Variants in GPR141 observed in about 807,000 individuals in gnomAD.
The protein encoded by GPR141 is probable G protein-coupled receptor 141.
Under a neutral mutation model 6.8 loss-of-function variants are expected in GPR141, and 6 were observed. That is an observed-to-expected ratio of 0.88 (90% CI 0.48 to 1.74). GPR141 has a LOEUF of 1.74. Among genes scored for constraint, GPR141 ranks in the 40% most tolerant of loss-of-function variants. The probability of loss-of-function intolerance (pLI) is 0.01; values close to 1 mark genes in which losing one functional copy is unlikely to be tolerated. For synonymous variants in GPR141, 140 were observed against 142.3 expected (o/e 0.98, Z 0.11); for missense variants, 372 against 372.9 (o/e 1.00, Z 0.02).
intron 2 of GPR141, among the ~76,000 whole-genome samples, chr7:37,730,439 G>C (rs1002613326): frequency 6.6e-6 from 1 of 152,178 alleles, no homozygotes; most frequent in Non-Finnish European, 1.5e-5. Flanking sequence ...TTCAAAACCT[G>C]AACCTGAATA....
At chr7:37,689,417 A>G (rs958569372) in intron 2 of GPR141, among the ~76,000 whole-genome samples, 3 of 152,082 alleles carry the variant, frequency 2.0e-5, no homozygotes, top group Non-Finnish European at 4.4e-5. Flanking sequence ...AATGAGCTTA[A>G]AAGACTTTCC....
intron 2 of GPR141, among the ~76,000 whole-genome samples, chr7:37,718,226 T>C (rs1016911269): frequency 3.3e-5 from 5 of 152,242 alleles, no homozygotes; most frequent in African/African-American, 1.2e-4. Context: ...AGATAGACAT[T>C]GTATAAGTGC....
rs999401957 is a variant in GPR141 at position 37,743,240 on chromosome 7, C to G, written c.*1929C>G. ...TTCATAATTTATTATCACTGTGGAT[C>G]CACAAATTCCTCAGATGAATAAGAA... On this transcript the variant is annotated 3_prime_UTR_variant, in exon 3 of 3. Coordinates refer to ENST00000334425, the MANE Select transcript of GPR141 (RefSeq NM_001381946.1). 1.4e-4 allele frequency among the ~76,000 whole-genome samples: 21 copies of G among 151,784 alleles called. No homozygotes were observed. The East Asian group carries it at 2.5e-3, about 18-fold the overall frequency.
intron 2 of GPR141, among the ~76,000 whole-genome samples, chr7:37,719,269 A>G (rs1333596536): frequency 6.6e-6 from 1 of 152,198 alleles, no homozygotes; most frequent in Non-Finnish European, 1.5e-5. Context: ...GAGAGGTGGT[A>G]AGATATGACT....
At chr7:37,685,368 G>GCCTA (rs1415483423) in intron 1 of GPR141, 92 bp from the exon 2 acceptor site, 1 of 92,106 alleles carries the variant, frequency 1.1e-5, no homozygotes, top group East Asian at 2.8e-4. Flanking sequence ...CTTCCTTCCT[G>GCCTA]CCTGCCTGCC....
intron 2 of GPR141, among the ~76,000 whole-genome samples, chr7:37,736,887 TG>T (rs1360397748): frequency 6.6e-6 from 1 of 152,014 alleles, no homozygotes; most frequent in East Asian, 1.9e-4. Context: ...GAAAACTAAA[TG>T]GACAAAAATA....
intron 2 of GPR141, chr7:37,729,951 T>C (rs1288034611): frequency 6.6e-6 from 1 of 152,226 alleles, no homozygotes; most frequent in Admixed American, 6.5e-5. Context: ...TTAGCAAAAG[T>C]ATATTGGAGA....
At chr7:37,689,419 A>G (rs867464817) in intron 2 of GPR141, among the ~76,000 whole-genome samples, 4 of 152,148 alleles carry the variant, frequency 2.6e-5, no homozygotes, top group Non-Finnish European at 5.9e-5. Context: ...TGAGCTTAAA[A>G]GACTTTCCTT....
At chr7:37,736,886 A>T (rs889170020) in intron 2 of GPR141, among the ~76,000 whole-genome samples, 1 of 152,212 alleles carries the variant, frequency 6.6e-6, no homozygotes, top group African/African-American at 2.4e-5. Flanking sequence ...AGAAAACTAA[A>T]TGGACAAAAA....
intron 2 of GPR141, among the ~76,000 whole-genome samples, chr7:37,693,413 G>C (rs1019316934): frequency 6.6e-6 from 1 of 152,176 alleles, no homozygotes; most frequent in Non-Finnish European, 1.5e-5. Flanking sequence ...TAGCCTTGTA[G>C]TATAGTTTGA....
Position 37,740,820 on chromosome 7 carries a change from G to T in GPR141, c.427G>T (p.Val143Leu). ...VAASAGMWTL[V>L]IVIVVPLVVS... The stretch of plus-strand genomic sequence containing the variant: ...TGCCAGTGCTGGCATGTGGACGCTG[G>T]TGATTGTCATTGTGGTACCCCTGGT... Residue 143 changes from valine to leucine, a missense_variant, in exon 3 of 3, where the codon GTG (valine) becomes TTG (leucine). Val to Leu is a conservative substitution (Grantham distance 32, BLOSUM62 1). Transcript: ENST00000334425. 1 of 1,614,170 alleles carries T rather than the reference G, an allele frequency of 6.2e-7. No individual in the cohort carries two copies. Among genetic ancestry groups the T allele is most frequent in the Non-Finnish European group, 8.5e-7 (1 of 1,180,012 alleles).
intron 2 of GPR141, among the ~76,000 whole-genome samples, chr7:37,699,925 A>T (rs1438622471): frequency 2.0e-5 from 3 of 152,166 alleles, no homozygotes; most frequent in African/African-American, 7.2e-5. Context: ...TGACAACTGG[A>T]TCTTGTGAGG....
At chr7:37,694,017 C>T (rs552161068) in intron 2 of GPR141, among the ~76,000 whole-genome samples, 11 of 152,230 alleles carry the variant, frequency 7.2e-5, no homozygotes, top group South Asian at 2.1e-4. Context: ...GGCACTGTTT[C>T]GGCTTAGGTG....
chr7:37,725,186 A>G (rs1811566526), intron 2 of GPR141, among the ~76,000 whole-genome samples: 1 of 152,202 alleles, frequency 6.6e-6, no homozygotes, highest in South Asian at 2.1e-4. Context: ...AGGGGTGAAT[A>G]TAGAGAATGA....
chr7:37,692,453 A>G (rs1227732541), intron 2 of GPR141, among the ~76,000 whole-genome samples: 2 of 152,176 alleles, frequency 1.3e-5, no homozygotes, highest in Non-Finnish European at 2.9e-5. Flanking sequence ...GCAGCAATAA[A>G]CATACATGTA....
intron 2 of GPR141, among the ~76,000 whole-genome samples, chr7:37,700,064 T>C (rs2131752731): frequency 6.6e-6 from 1 of 152,344 alleles, no homozygotes; most frequent in East Asian, 1.9e-4. Context: ...GTGAACAATT[T>C]GTCCTCAGTC....
intron 2 of GPR141, among the ~76,000 whole-genome samples, chr7:37,689,835 A>G (rs948753517): frequency 6.7e-6 from 1 of 149,138 alleles, no homozygotes; most frequent in Non-Finnish European, 1.5e-5. Context: ...TTTCATTTAT[A>G]TTTTCAAACA....
Position 37,691,902 on chromosome 7 carries a change from C to T in GPR141, c.-15+6319C>T, listed in dbSNP as rs569630626. Reference sequence around the variant, plus strand: ...ATGTGTTGTTAATCTAACGGGGATTCCTTTAGAGTGACTTTATACTTTTTA... The same window carrying T: ...ATGTGTTGTTAATCTAACGGGGATTTCTTTAGAGTGACTTTATACTTTTTA... On this transcript the variant is annotated intron_variant, in intron 2 of 2. Coordinates refer to ENST00000334425, the MANE Select transcript of GPR141 (RefSeq NM_001381946.1). Among the ~76,000 whole-genome samples, 5 of 152,028 alleles carry T rather than the reference C, an allele frequency of 3.3e-5. No homozygotes were observed. The South Asian group carries it at 1.0e-3, about 32-fold the overall frequency.
chr7:37,720,167 G>A (rs1312186267), intron 2 of GPR141, among the ~76,000 whole-genome samples: 1 of 152,154 alleles, frequency 6.6e-6, no homozygotes, highest in Non-Finnish European at 1.5e-5. Context: ...AGGTGAACCA[G>A]GAGTTGGGCA....
Sources: gnomAD v4.1 joint callset for allele counts (sites outside exome capture counted in the v4.1 genomes callset) on GRCh38, gnomAD v4.1.1 for gene constraint, MANE v1.5 for transcripts, NCBI Gene and HGNC (gene_info 2026-07-23, HGNC 2026-07-21) for gene names.